The following LUZP1 variants were observed in gnomAD, a reference collection of about 807,000 sequenced individuals.
LUZP1 encodes filamin mechanobinding actin cross-linking protein.
A neutral mutation model predicts 71.3 loss-of-function variants in LUZP1; 25 were observed. That is an observed-to-expected ratio of 0.35 (90% CI 0.26 to 0.49). The LOEUF is 0.49. Ranked by LOEUF, LUZP1 falls within the 20% of genes least tolerant of loss-of-function variation. The probability of loss-of-function intolerance (pLI) is 0.99; values close to 1 mark genes in which losing one functional copy is unlikely to be tolerated. For synonymous variants in LUZP1, 481 were observed against 506.4 expected, an observed-to-expected ratio of 0.95 and a Z score of 0.67; for missense variants, 1,142 against 1,300.8, an observed-to-expected ratio of 0.88 and a Z score of 1.88.
chr1:23,136,437 G>T (rs895405713), intron 2 of LUZP1, among the ~76,000 whole-genome samples: 2 of 152,056 alleles, frequency 1.3e-5, no homozygotes, highest in Non-Finnish European at 2.9e-5. Flanking sequence ...AAATGAGAGG[G>T]AGTATAATCT....
At chr1:23,165,731 A>G (rs899365176) in intron 2 of LUZP1, among the ~76,000 whole-genome samples, 5 of 152,206 alleles carry the variant, frequency 3.3e-5, no homozygotes, top group African/African-American at 1.2e-4. Flanking sequence ...CAAAGTTTAT[A>G]CCACATCTTT....
chr1:23,115,938 T>C (rs1311405440), intron 2 of LUZP1, among the ~76,000 whole-genome samples: 2 of 152,210 alleles, frequency 1.3e-5, no homozygotes, highest in African/African-American at 4.8e-5. Context: ...CTAAAATTGT[T>C]ATTCACCTAC....
intron 2 of LUZP1, among the ~76,000 whole-genome samples, chr1:23,121,025 T>A (rs1482596823): frequency 6.6e-6 from 1 of 152,222 alleles, no homozygotes. Flanking sequence ...TATTTTATTA[T>A]GTCTTAAGCA....
At chr1:23,091,352 A>C in exon 4 of LUZP1, 1 of 1,614,142 alleles carries the variant, frequency 6.2e-7, no homozygotes, top group Non-Finnish European at 8.5e-7. Context: ...CCTGCTCAAA[A>C]AGGCAGGACC....
At chr1:23,161,573 G>T (rs942029578) in intron 2 of LUZP1, among the ~76,000 whole-genome samples, 20 of 152,086 alleles carry the variant, frequency 1.3e-4, no homozygotes, top group African/African-American at 4.8e-4. Context: ...GAGCAATATT[G>T]TAAGACCCCA....
intron 1 of LUZP1, among the ~76,000 whole-genome samples, chr1:23,172,253 T>C (rs1327805741): frequency 6.6e-6 from 1 of 152,194 alleles, no homozygotes. Flanking sequence ...TATTGGGCAT[T>C]GTTAAGTGAA....
chr1:23,118,636 C>G (rs1325816658), intron 2 of LUZP1, among the ~76,000 whole-genome samples: 1 of 152,186 alleles, frequency 6.6e-6, no homozygotes, highest in African/African-American at 2.4e-5. Flanking sequence ...TACAGTGGGT[C>G]TACCTTTGGC....
exon 5 of LUZP1, chr1:23,084,310 T>G (rs527970747): frequency 4.6e-5 from 7 of 152,334 alleles, no homozygotes; most frequent in African/African-American, 1.7e-4. Context: ...ATTTCCTTGC[T>G]CTTTTCAGCT....
chr1:23,111,918 C>G (rs1314758608), intron 2 of LUZP1, among the ~76,000 whole-genome samples: 2 of 152,178 alleles, frequency 1.3e-5, no homozygotes, highest in African/African-American at 2.4e-5. Context: ...CCCCTAAGGT[C>G]TCTGCAGCCC....
rs1643803639 is a variant in LUZP1 at position 23,088,628 on chromosome 1, G to A, written c.*267C>T. On this transcript the variant is annotated 3_prime_UTR_variant, in exon 5 of 5. Coordinates refer to ENST00000302291, the Ensembl canonical transcript of LUZP1. Reference sequence around the variant, plus strand: ...CTTCCCTTGTTTGGGGGCCAGAATGGTCCAACTACTTGGTGGACAGGGACA... The same window carrying A: ...CTTCCCTTGTTTGGGGGCCAGAATGATCCAACTACTTGGTGGACAGGGACA... 3 of 374,860 alleles carry A rather than the reference G, an allele frequency of 8.0e-6. No individual in the cohort carries two copies. In the East Asian group the frequency reaches 1.4e-4, roughly 18 times the overall value. 23.2% of individuals were successfully genotyped at this position (374,860 alleles called of 1,614,324 possible). A position where few individuals can be genotyped will look rare whatever the true frequency, so the allele number is the denominator to read the frequency against.
chr1:23,139,994 A>G (rs1644290049), intron 2 of LUZP1, among the ~76,000 whole-genome samples: 2 of 152,116 alleles, frequency 1.3e-5, no homozygotes, highest in Non-Finnish European at 1.5e-5. Flanking sequence ...TTATTGGTCA[A>G]CAGGAGGCCA....
intron 2 of LUZP1, among the ~76,000 whole-genome samples, chr1:23,163,528 C>G (rs975393174): frequency 7.3e-6 from 1 of 137,664 alleles, no homozygotes; most frequent in South Asian, 2.3e-4. Flanking sequence ...TACTCCAGAT[C>G]GAGAGAAAGA....
intron 2 of LUZP1, among the ~76,000 whole-genome samples, chr1:23,161,682 G>A (rs1037312595): frequency 2.6e-5 from 4 of 152,114 alleles, no homozygotes; most frequent in East Asian, 3.9e-4. Context: ...TTGCCTACCC[G>A]AAAAGTAGCC....
intron 1 of LUZP1, among the ~76,000 whole-genome samples, chr1:23,173,850 T>C (rs755611148): frequency 6.6e-6 from 1 of 152,092 alleles, no homozygotes; most frequent in Non-Finnish European, 1.5e-5. Flanking sequence ...CATGCCGAGA[T>C]GATTTTCACT....
chr1:23,132,810 T>C (rs1250364324), intron 2 of LUZP1, among the ~76,000 whole-genome samples: 2 of 152,204 alleles, frequency 1.3e-5, no homozygotes, highest in Non-Finnish European at 2.9e-5. Context: ...TTTTCTATGT[T>C]TTAAATTTTT....
intron 2 of LUZP1, among the ~76,000 whole-genome samples, chr1:23,154,789 C>G (rs564778078): frequency 6.7e-5 from 10 of 150,312 alleles, no homozygotes; most frequent in African/African-American, 2.4e-4. Flanking sequence ...CTCCTGGCCT[C>G]GTGATCCGCC....
intron 2 of LUZP1, among the ~76,000 whole-genome samples, chr1:23,120,831 A>T (rs1013190840): frequency 1.3e-5 from 2 of 152,230 alleles, no homozygotes; most frequent in African/African-American, 4.8e-5. Flanking sequence ...TATCAACTAA[A>T]GGAGGGCTTT....
intron 2 of LUZP1, among the ~76,000 whole-genome samples, chr1:23,138,711 A>G (rs1418818719): frequency 7.2e-4 from 102 of 142,624 alleles, no homozygotes; most frequent in South Asian, 2.0e-3. Flanking sequence ...ATATATATAT[A>G]TATAAATGAG....
intron 2 of LUZP1, among the ~76,000 whole-genome samples, chr1:23,115,245 G>A (rs887603213): frequency 1.3e-5 from 2 of 152,110 alleles, no homozygotes; most frequent in African/African-American, 4.8e-5. Context: ...GGATGAGAAG[G>A]CAAATACTCT....
Sources: gnomAD v4.1 joint callset for allele counts (sites outside exome capture counted in the v4.1 genomes callset) on GRCh38, gnomAD v4.1.1 for gene constraint, MANE v1.5 for transcripts, NCBI Gene and HGNC (gene_info 2026-07-23, HGNC 2026-07-21) for gene names.